The following PTPRM variants were observed in gnomAD, a reference collection of about 807,000 sequenced individuals.
PTPRM encodes protein tyrosine phosphatase receptor type M, also known as receptor-type tyrosine-protein phosphatase mu.
A neutral mutation model predicts 186.7 loss-of-function variants in PTPRM; 47 were observed. The ratio of observed to expected loss-of-function variants is 0.25; its 90% confidence interval spans 0.20 to 0.32. PTPRM has a LOEUF of 0.32. PTPRM is among the 10% of genes least tolerant of loss of function. The probability of loss-of-function intolerance (pLI) is 1.00; values close to 1 mark genes in which losing one functional copy is unlikely to be tolerated. For missense variants in PTPRM, 1,494 were observed against 1,865.0 expected (o/e 0.80, Z 3.66); for synonymous variants, 668 against 674.9 (o/e 0.99, Z 0.16).
intron 7 of PTPRM, among the ~76,000 whole-genome samples, chr18:8,004,950 A>G (rs2084089905): frequency 1.3e-5 from 2 of 152,118 alleles, no homozygotes; most frequent in South Asian, 4.1e-4. Context: ...AGTGAAGAAT[A>G]TGTTTTCAGT....
chr18:8,326,456 T>C (rs555310920), intron 22 of PTPRM, among the ~76,000 whole-genome samples: 116 of 152,116 alleles, frequency 7.6e-4, no homozygotes, highest in Non-Finnish European at 1.4e-3. Flanking sequence ...TACAGTACCA[T>C]AGAAGAGCCC....
intron 7 of PTPRM, among the ~76,000 whole-genome samples, chr18:8,035,754 A>G (rs945980648): frequency 7.2e-5 from 11 of 152,238 alleles, no homozygotes; most frequent in African/African-American, 2.4e-4. Context: ...GATGACAGAC[A>G]TGTTTATTAC....
At chr18:8,269,778 A>G (rs763265274) in intron 19 of PTPRM, among the ~76,000 whole-genome samples, 1 of 152,004 alleles carries the variant, frequency 6.6e-6, no homozygotes, top group Non-Finnish European at 1.5e-5. Flanking sequence ...AGAATACACG[A>G]TGGGGAAAGG....
intron 8 of PTPRM, among the ~76,000 whole-genome samples, chr18:8,071,690 C>T (rs1422237901): frequency 2.0e-5 from 3 of 152,178 alleles, no homozygotes; most frequent in African/African-American, 7.2e-5. Context: ...GGCTTCCCAT[C>T]GTTGCCTGAT....
intron 2 of PTPRM, among the ~76,000 whole-genome samples, chr18:7,809,321 G>C (rs1442897149): frequency 2.6e-5 from 4 of 152,202 alleles, no homozygotes; most frequent in Middle Eastern, 3.4e-3. Flanking sequence ...CATGAGTAGG[G>C]CTCCATGAGT....
At chr18:8,243,405 C>A (rs1872256011) in intron 14 of PTPRM, among the ~76,000 whole-genome samples, 1 of 152,180 alleles carries the variant, frequency 6.6e-6, no homozygotes, top group African/African-American at 2.4e-5. Context: ...GGGAACTAAT[C>A]TGGGTTCATT....
At chr18:7,652,604 G>A (rs1215611258) in intron 1 of PTPRM, among the ~76,000 whole-genome samples, 1 of 151,742 alleles carries the variant, frequency 6.6e-6, no homozygotes, top group African/African-American at 2.4e-5. Flanking sequence ...TCCTTTGTAG[G>A]GACATGGATG....
intron 22 of PTPRM, among the ~76,000 whole-genome samples, chr18:8,324,927 A>T (rs1218675474): frequency 6.6e-6 from 1 of 151,192 alleles, no homozygotes; most frequent in African/African-American, 2.5e-5. Context: ...CAATGCTTAG[A>T]GCAATTCCTG....
chr18:8,328,930 G>A (rs926005496), intron 22 of PTPRM, among the ~76,000 whole-genome samples: 1 of 152,144 alleles, frequency 6.6e-6, no homozygotes, highest in African/African-American at 2.4e-5. Context: ...TTGCTCATTA[G>A]CAATGAGAAC....
intron 2 of PTPRM, among the ~76,000 whole-genome samples, chr18:7,865,906 G>T (rs2047664656): frequency 6.6e-6 from 1 of 152,144 alleles, no homozygotes; most frequent in Non-Finnish European, 1.5e-5. Context: ...TCGTGGTTTA[G>T]ACTTGGGAGG....
chr18:7,567,958 A>T lies in PTPRM; in HGVS notation c.73+67A>T. Reference sequence around the variant, plus strand: ...GGCGCGGGACGCCCGGGACGCCGACAGCTCCCTGGTGGTAGAGCCCTAAGG... The same window carrying T: ...GGCGCGGGACGCCCGGGACGCCGACTGCTCCCTGGTGGTAGAGCCCTAAGG... On this transcript the variant is annotated intron_variant, in intron 1 of 32. Coordinates refer to ENST00000580170, the MANE Select transcript of PTPRM (RefSeq NM_001105244.2). This position sits in a 1 kb window ranked among gnomAD's most constrained non-coding sequence, Gnocchi z 4.3. 4 of 1,449,688 alleles carry T rather than the reference A, an allele frequency of 2.8e-6. No homozygotes were observed. The highest frequency in any genetic ancestry group is 3.6e-6 in the Non-Finnish European group (4 of 1,104,094). The allele number at this position is 1,449,688 out of a possible 1,614,324, so 89.8% of individuals were successfully genotyped here. A position where few individuals can be genotyped will look rare whatever the true frequency, so the allele number is the denominator to read the frequency against.
At chr18:7,769,143 GGGTT>G (rs2042156038) in intron 1 of PTPRM, among the ~76,000 whole-genome samples, 1 of 152,008 alleles carries the variant, frequency 6.6e-6, no homozygotes, top group African/African-American at 2.4e-5. Flanking sequence ...CTTCTTCCCA[GGGTT>G]CTGGGAAGGA....
At chr18:8,372,228 C>T (rs978020537) in intron 24 of PTPRM, among the ~76,000 whole-genome samples, 5 of 146,632 alleles carry the variant, frequency 3.4e-5, no homozygotes, top group South Asian at 2.2e-4. Context: ...CCCGCCACCG[C>T]GCCCGGCTAA....
At chr18:7,712,379 G>A (rs890356379) in intron 1 of PTPRM, among the ~76,000 whole-genome samples, 17 of 152,090 alleles carry the variant, frequency 1.1e-4, no homozygotes, top group Non-Finnish European at 2.5e-4. Flanking sequence ...AAGAACAAAG[G>A]TAGATAAATC....
chr18:8,321,573 A>T (rs551055835), intron 22 of PTPRM, among the ~76,000 whole-genome samples: 2 of 152,222 alleles, frequency 1.3e-5, no homozygotes, highest in Non-Finnish European at 2.9e-5. Flanking sequence ...TAAGCAGATA[A>T]GAAATAGCAA....
chr18:8,170,606 G>A (rs571136452), intron 14 of PTPRM, among the ~76,000 whole-genome samples: 2 of 151,916 alleles, frequency 1.3e-5, no homozygotes, highest in East Asian at 3.9e-4. Context: ...ACCTTTCTGT[G>A]TATTCTTACA....
intron 14 of PTPRM, among the ~76,000 whole-genome samples, chr18:8,239,066 A>G (rs562053814): frequency 3.3e-4 from 50 of 149,858 alleles, no homozygotes; most frequent in Admixed American, 2.1e-3. Flanking sequence ...ACATATGTAT[A>G]CATGTGCCAT....
chr18:7,881,400 A>G (rs1443741429), intron 2 of PTPRM, among the ~76,000 whole-genome samples: 1 of 152,228 alleles, frequency 6.6e-6, no homozygotes, highest in African/African-American at 2.4e-5. Flanking sequence ...GTGCCATTGC[A>G]TTCCCACCTG....
At chr18:7,885,818 A>T (rs2048755144) in intron 2 of PTPRM, among the ~76,000 whole-genome samples, 1 of 152,184 alleles carries the variant, frequency 6.6e-6, no homozygotes, top group Admixed American at 6.5e-5. Flanking sequence ...TGGATTTAGC[A>T]TTGGAGGCAG....
Sources: gnomAD v4.1 joint callset for allele counts (sites outside exome capture counted in the v4.1 genomes callset) on GRCh38, gnomAD v4.1.1 for gene constraint, Gnocchi (gnomAD v3.1) non-coding constraint, MANE v1.5 for transcripts, NCBI Gene and HGNC (gene_info 2026-07-23, HGNC 2026-07-21) for gene names.